CCN5: variants seen among roughly 807,000 people sequenced by gnomAD.
CCN5 encodes cellular communication network factor 5.
In CCN5, 17 loss-of-function variants were observed where a neutral mutation model predicts 18.7. The ratio of observed to expected loss-of-function variants is 0.91; its 90% CI spans 0.62 to 1.36. The LOEUF is 1.36. Ranked by LOEUF, CCN5 falls within the 40% of genes most tolerant of loss-of-function variation. The probability of loss-of-function intolerance (pLI) is 0.00; values close to 1 mark genes in which losing one functional copy is unlikely to be tolerated. For missense variants in CCN5, 367 were observed against 342.9 expected (o/e 1.07, Z -0.56); for synonymous variants, 135 against 145.2 (o/e 0.93, Z 0.50).
chr20:44,720,443 T>A, intron 2 of CCN5: 1 of 428,890 alleles, frequency 2.3e-6, no homozygotes, highest in Non-Finnish European at 4.2e-6. Context: ...ACCACTCCCT[T>A]CTCAGGATCC....
Position 44,727,491 on chromosome 20 carries a change from T to G in CCN5, c.*184T>G. On this transcript the variant is annotated 3_prime_UTR_variant, in exon 4 of 4. Transcript: ENST00000190983. ...CCTGGTCTGTCTGGATCCCGAGGTA[T>G]GGCAGAGGTGCAAGACCTAGTCCCC... 7.0e-7 allele frequency: 1 copy of G among 1,421,466 alleles called. No individual in the cohort carries two copies. The highest frequency in any genetic ancestry group is 9.2e-7 in the Non-Finnish European group (1 of 1,083,498). The allele number at this position is 1,421,466 out of a possible 1,614,324, so 88.1% of individuals were successfully genotyped here. A position where few individuals can be genotyped will look rare whatever the true frequency, so the allele number is the denominator to read the frequency against.
At chr20:44,715,231 G>GTT, upstream of CCN5, 4 of 462,508 alleles carry the variant, frequency 8.6e-6, no homozygotes, top group Non-Finnish European at 1.5e-5. Context: ...TAGTGTGTTT[G>GTT]TGTGTGTGTG....
rs767496149 is a variant in CCN5 at position 44,727,091 on chromosome 20, C to G, written c.537C>G (p.Pro179=). 19 of 1,582,068 alleles carry G rather than the reference C, an allele frequency of 1.2e-5. No homozygotes were observed. Among genetic ancestry groups the G allele is most frequent in the Admixed American group, 1.8e-5 (1 of 57,120 alleles). ...CTCTTGTTCTTTCCCCCCTAGGACC[C>G]CAGTTTTCTGGCCTTGTCTCTTCCC... ...LGTQPLPAQG[P]QFSGLVSSLP... The change falls in exon 4 of 4, where the codon CCC becomes CCG. Residue 179 remains proline, a synonymous_variant. Transcript: ENST00000190983.
chr20:44,727,358 C>G lies in CCN5; in HGVS notation c.*51C>G, dbSNP rs1568882866. 1 of 1,556,188 alleles carries G rather than the reference C, an allele frequency of 6.4e-7. No homozygotes were observed. Among genetic ancestry groups the G allele is most frequent in the Non-Finnish European group, 8.7e-7 (1 of 1,147,998 alleles). On this transcript the variant is annotated 3_prime_UTR_variant, in exon 4 of 4. Transcript: ENST00000190983. ...TGTCCACCATCCCCAGCTGGTGGCCCTGTGCCTGGGCCCTGGGCTGATGGA... is the reference window on the plus strand; with the variant it reads ...TGTCCACCATCCCCAGCTGGTGGCCGTGTGCCTGGGCCCTGGGCTGATGGA...
intron 3 of CCN5, among the ~76,000 whole-genome samples, chr20:44,725,365 G>T (rs2065929649): frequency 6.6e-6 from 1 of 151,918 alleles, no homozygotes; most frequent in African/African-American, 2.4e-5. Context: ...TTGAACCCGG[G>T]AGGCAGAGGT....
Position 44,727,202 on chromosome 20 carries a change from G to T in CCN5, c.648G>T (p.Val216=). Residue 216 remains valine, a synonymous_variant, in exon 4 of 4, where the codon GTG becomes GTT. Coordinates refer to ENST00000190983, the MANE Select transcript of CCN5 (RefSeq NM_003881.4). ...GTGGGCTGGGCATGGCCACCCGGGT[G>T]TCCAACCAGAACCGCTTCTGCCGAC... ...TTCGLGMATR[V]SNQNRFCRLE... is the part of the protein sequence containing the mutation. 6.2e-7 allele frequency: 1 copy of T among 1,613,806 alleles called. No individual in the cohort carries two copies. Among genetic ancestry groups the T allele is most frequent in the South Asian group, 1.1e-5 (1 of 91,080 alleles).
intron 1 of CCN5, among the ~76,000 whole-genome samples, chr20:44,717,885 G>GA (rs60571299): frequency 0.11 from 9,653 of 90,094 alleles, 392 homozygotes; most frequent in Non-Finnish European, 0.16. Flanking sequence ...TCTCAAAAAA[G>GA]AAAAAAAAAA....
chr20:44,719,484 A>G (rs1261994146), intron 1 of CCN5, among the ~76,000 whole-genome samples: 1 of 152,042 alleles, frequency 6.6e-6, no homozygotes, highest in Non-Finnish European at 1.5e-5. Context: ...GTGAAACCCC[A>G]TCTCTATTAA....
Position 44,727,069 on chromosome 20 carries a change from T to C in CCN5, c.533-18T>C, listed in dbSNP as rs1236940415. On this transcript the variant is annotated intron_variant, in intron 3 of 3. Transcript: ENST00000190983. ...AGCCCTGGCTGCTCAGTGCTAACTC[T>C]TGTTCTTTCCCCCCTAGGACCCCAG... 15 of 1,559,236 alleles carry C rather than the reference T, an allele frequency of 9.6e-6. No individual in the cohort carries two copies.
intron 2 of CCN5, among the ~76,000 whole-genome samples, chr20:44,721,760 A>G (rs1429074511): frequency 6.6e-6 from 1 of 152,198 alleles, no homozygotes; most frequent in Non-Finnish European, 1.5e-5. Context: ...CACGTGTAAG[A>G]CACTGAGGGT....
intron 2 of CCN5, chr20:44,721,110 C>G (rs1050697363): frequency 6.6e-6 from 1 of 151,966 alleles, no homozygotes; most frequent in Non-Finnish European, 1.5e-5. Flanking sequence ...TTGCCTCTTT[C>G]ATCTATGTGC....
At chr20:44,722,089 T>G (rs986894057) in intron 2 of CCN5, among the ~76,000 whole-genome samples, 3 of 152,232 alleles carry the variant, frequency 2.0e-5, no homozygotes, top group African/African-American at 7.2e-5. Context: ...TTCCTGCAAC[T>G]TCCCACCTTG....
chr20:44,720,913 C>G (rs1184641821), intron 2 of CCN5: 1 of 152,184 alleles, frequency 6.6e-6, no homozygotes, highest in South Asian at 2.1e-4. Context: ...GCAGCATCCC[C>G]GAACTCCACC....
rs1410890899 is a variant in CCN5 at position 44,724,912 on chromosome 20, T to C, written c.452T>C (p.Val151Ala). 6.3e-7 allele frequency: 1 copy of C among 1,594,348 alleles called. No individual in the cohort carries two copies. Among genetic ancestry groups the C allele is most frequent in the Non-Finnish European group, 8.5e-7 (1 of 1,171,858 alleles). Residue 151 changes from valine to alanine, a missense_variant, in exon 3 of 4, where the codon GTC (valine) becomes GCC (alanine). Coordinates refer to ENST00000190983, the MANE Select transcript of CCN5 (RefSeq NM_003881.4). ...TGGGACTGCCCCCACCCCAGGAGGG[T>C]CGAGGTCCTGGGCAAGTGCTGCCCT... The part of the protein sequence containing the change: ...PSWDCPHPRR[V>A]EVLGKCCPEW...
intron 1 of CCN5, among the ~76,000 whole-genome samples, chr20:44,718,544 A>G (rs2065876025): frequency 1.3e-5 from 2 of 152,090 alleles, no homozygotes; most frequent in South Asian, 4.1e-4. Context: ...AGCTCACGGC[A>G]CCTGCTGTAT....
At chr20:44,717,513 G>A (rs563033385) in intron 1 of CCN5, among the ~76,000 whole-genome samples, 9 of 152,284 alleles carry the variant, frequency 5.9e-5, no homozygotes, top group African/African-American at 9.6e-5. Context: ...CAAGGGAGCT[G>A]AACCTCTGAC....
At chr20:44,715,256 TGTGTGAGC>T (rs778796485), upstream of CCN5, 13,718 of 231,884 alleles carry the variant, frequency 0.059, 351 homozygotes, top group East Asian at 0.18. Context: ...TGTGTGTGTG[TGTGTGAGC>T]GCGCGCGCGC....
At chr20:44,715,998 A>G (rs1657765897) in intron 1 of CCN5, among the ~76,000 whole-genome samples, 1 of 152,330 alleles carries the variant, frequency 6.6e-6, no homozygotes. Context: ...TGCATGGGAC[A>G]TTCACCAAAG....
At chr20:44,723,193 G>A (rs1305549361) in intron 2 of CCN5, among the ~76,000 whole-genome samples, 1 of 152,090 alleles carries the variant, frequency 6.6e-6, no homozygotes, top group African/African-American at 2.4e-5. Flanking sequence ...CAGGGCCTTT[G>A]CACTGGCTGT....
Sources: allele counts gnomAD v4.1 joint callset (sites outside exome capture counted in the v4.1 genomes callset), GRCh38; gene constraint gnomAD v4.1.1; transcripts MANE v1.5; gene names NCBI Gene and HGNC (gene_info 2026-07-23, HGNC 2026-07-21).